CDH23: variants seen among roughly 807,000 people sequenced by gnomAD.
CDH23 encodes cadherin-23.
Under a neutral mutation model 317.1 loss-of-function variants are expected in CDH23, and 189 were observed. That is an observed-to-expected ratio of 0.60 (90% CI 0.53 to 0.67). CDH23 has a LOEUF of 0.67. Ranked by LOEUF, CDH23 falls within the 30% of genes least tolerant of loss-of-function variation. The pLI is 0.00. For missense variants in CDH23, 4,401 were observed against 4,592.4 expected, an observed-to-expected ratio of 0.96 and a Z score of 1.20; for synonymous variants, 1,839 against 1,876.8, an observed-to-expected ratio of 0.98 and a Z score of 0.52.
intron 6 of CDH23, among the ~76,000 whole-genome samples, chr10:71,517,828 G>A (rs974413650): frequency 2.6e-5 from 4 of 152,208 alleles, no homozygotes; most frequent in Non-Finnish European, 4.4e-5. Context: ...CTGGCTGAGC[G>A]GCAGCCCCAG....
rs201385032 is a variant in CDH23 at position 71,759,954 on chromosome 10, T to C, written c.4846-17726T>C. ...ACATATATACACACACACATATATA[T>C]ACACACACATATATATACACACACA... is the stretch of plus-strand genomic sequence containing the variant. On this transcript the variant is annotated intron_variant, in intron 38 of 69. Transcript: ENST00000224721. Among the ~76,000 whole-genome samples the C allele has an allele frequency of 4.7e-3, 295 of 62,354 alleles. 11 individuals are homozygous for C. The highest frequency in any genetic ancestry group is 8.8e-3 in the East Asian group (18 of 2,044). The allele number at this position is 62,354 out of a possible 152,430, so 40.9% of individuals were successfully genotyped here.
At chr10:71,814,787 G>A (rs1842071527) in intron 69 of CDH23, among the ~76,000 whole-genome samples, 165 bp from the exon 70 acceptor site, 1 of 152,060 alleles carries the variant, frequency 6.6e-6, no homozygotes, top group Non-Finnish European at 1.5e-5. Flanking sequence ...AGCAACTTAA[G>A]CATTCATGAT....
intron 38 of CDH23, chr10:71,762,043 G>C: frequency 6.3e-7 from 1 of 1,577,448 alleles, no homozygotes; most frequent in South Asian, 1.2e-5. Flanking sequence ...AGAGAGAGGA[G>C]AGCCCTGTCA....
chr10:71,443,685 C>A (rs1223466325), intron 2 of CDH23, among the ~76,000 whole-genome samples: 1 of 152,228 alleles, frequency 6.6e-6, no homozygotes, highest in Non-Finnish European at 1.5e-5. Flanking sequence ...AGGGGTCCTG[C>A]ACTTGGGAAG....
At chr10:71,785,225 A>G in intron 43 of CDH23, 125 bp downstream of exon 43, 1 of 719,076 alleles carries the variant, frequency 1.4e-6, no homozygotes, top group Non-Finnish European at 2.3e-6. Context: ...CACTGGGATG[A>G]GGACACCTCT....
chr10:71,397,506 G>A lies in CDH23; in HGVS notation c.-6+188G>A, dbSNP rs1041813607. 1.1e-4 allele frequency among the ~76,000 whole-genome samples: 17 copies of A among 151,816 alleles called. No individual in the cohort carries two copies. Among genetic ancestry groups the A allele is most frequent in the African/African-American group, 3.9e-4 (16 of 41,362 alleles). Reference sequence around the variant, plus strand: ...CCCAGGCCCCTGGCCCTAGCCTCGCGCCCCGCTCCGAGCTCCCCGACGCGC... The same window carrying A: ...CCCAGGCCCCTGGCCCTAGCCTCGCACCCCGCTCCGAGCTCCCCGACGCGC... On this transcript the variant is annotated intron_variant, in intron 1 of 69. Coordinates refer to ENST00000224721, the MANE Select transcript of CDH23 (RefSeq NM_022124.6). This position sits in a 1 kb window ranked among gnomAD's most constrained non-coding sequence, Gnocchi z 4.8.
intron 3 of CDH23, among the ~76,000 whole-genome samples, chr10:71,505,803 C>T (rs1853599764): frequency 6.6e-6 from 1 of 152,224 alleles, no homozygotes; most frequent in Admixed American, 6.5e-5. Flanking sequence ...ATAATACAGC[C>T]ACCATGGAGA....
intron 3 of CDH23, among the ~76,000 whole-genome samples, chr10:71,490,672 T>C (rs754110834): frequency 2.4e-4 from 36 of 152,240 alleles, no homozygotes; most frequent in Non-Finnish European, 4.3e-4. Flanking sequence ...CACCCTGATA[T>C]CTTATGAATG....
At chr10:71,517,108 C>T (rs1245245988) in intron 6 of CDH23, among the ~76,000 whole-genome samples, 1 of 152,222 alleles carries the variant, frequency 6.6e-6, no homozygotes, top group African/African-American at 2.4e-5. Context: ...CATGCGGCTC[C>T]CTCTGCCTCT....
intron 6 of CDH23, among the ~76,000 whole-genome samples, chr10:71,559,838 C>T (rs1857040317): frequency 6.6e-6 from 1 of 152,242 alleles, no homozygotes; most frequent in Non-Finnish European, 1.5e-5. Context: ...GAAGAGATGT[C>T]GTCAAATTAT....
intron 68 of CDH23, 99 bp downstream of exon 68, chr10:71,812,989 C>A: frequency 6.5e-7 from 1 of 1,537,396 alleles, no homozygotes; most frequent in Non-Finnish European, 8.8e-7. Context: ...CTCAGCTAGA[C>A]CCACCCTCCA....
At chr10:71,764,712 G>A (rs1035104002) in intron 38 of CDH23, among the ~76,000 whole-genome samples, 4 of 152,168 alleles carry the variant, frequency 2.6e-5, no homozygotes, top group Admixed American at 6.5e-5. Context: ...CTCTCTCACC[G>A]TGGTTTCTTG....
intron 30 of CDH23, among the ~76,000 whole-genome samples, chr10:71,730,066 C>T (rs188216248): frequency 0.019 from 2,906 of 152,200 alleles, 54 homozygotes; most frequent in Non-Finnish European, 0.029. Flanking sequence ...GATCTTCTGA[C>T]CTCGTGATCT....
Position 71,740,867 on chromosome 10 carries a change from A to T in CDH23, c.4534A>T (p.Ile1512Phe), listed in dbSNP as rs375704804. The part of the protein sequence containing the change: ...RGTPPRKKDH[I>F]LQVTILDIND... ...CACCCCTCCACGGAAGAAGGACCAC[A>T]TCCTGCAGGTGACCATCCTGGACAT... The change falls in exon 37 of 70, where the codon ATC becomes TTC. Residue 1512 changes from isoleucine to phenylalanine, a missense_variant. By Grantham distance (21) the Ile-to-Phe change is conservative. This residue lies in a region of CDH23 where 3,068 missense variants were observed against 3,203.3 expected (regional missense o/e 0.96). Coordinates refer to ENST00000224721, the MANE Select transcript of CDH23 (RefSeq NM_022124.6). 1.2e-6 allele frequency: 2 copies of T among 1,613,858 alleles called. No homozygotes were observed. Among genetic ancestry groups the T allele is most frequent in the Non-Finnish European group, 1.7e-6 (2 of 1,179,908 alleles).
chr10:71,770,490 G>A (rs1840661765), intron 38 of CDH23, among the ~76,000 whole-genome samples: 1 of 152,166 alleles, frequency 6.6e-6, no homozygotes, highest in South Asian at 2.1e-4. Flanking sequence ...GGCATGCTGG[G>A]ACTGCAGCTA....
At chr10:71,509,396 G>T (rs978640614) in intron 3 of CDH23, among the ~76,000 whole-genome samples, 4 of 152,258 alleles carry the variant, frequency 2.6e-5, no homozygotes, top group Non-Finnish European at 5.9e-5. Flanking sequence ...TCCAGAGGAT[G>T]GAGCTAATGT....
At chr10:71,782,457 G>C (rs1159339069) in intron 41 of CDH23, among the ~76,000 whole-genome samples, 1 of 152,240 alleles carries the variant, frequency 6.6e-6, no homozygotes, top group African/African-American at 2.4e-5. Flanking sequence ...CATGCCCAAG[G>C]GCACACAGGC....
chr10:71,405,044 G>C (rs111264107), intron 1 of CDH23, among the ~76,000 whole-genome samples: 4 of 152,198 alleles, frequency 2.6e-5, no homozygotes, highest in African/African-American at 4.8e-5. Flanking sequence ...CCGCGACTCT[G>C]TCTGGGTTTC....
chr10:71,484,698 C>G (rs1211375876), intron 3 of CDH23, among the ~76,000 whole-genome samples: 3 of 152,194 alleles, frequency 2.0e-5, no homozygotes, highest in African/African-American at 7.2e-5. Context: ...TATCTTGTTT[C>G]TGATCTCAAA....
Sources: allele counts gnomAD v4.1 joint callset (sites outside exome capture counted in the v4.1 genomes callset), GRCh38; gene constraint gnomAD v4.1.1; regional missense constraint gnomAD v4.1.1; non-coding constraint Gnocchi (gnomAD v3.1); transcripts MANE v1.5; gene names NCBI Gene and HGNC (gene_info 2026-07-23, HGNC 2026-07-21).